The following PRKCB variants were observed in gnomAD, a reference collection of about 807,000 sequenced individuals.
PRKCB encodes the protein protein kinase C beta type.
A neutral mutation model predicts 81.5 loss-of-function variants in PRKCB; 13 were observed. The ratio of observed to expected loss-of-function variants is 0.16; its 90% confidence interval spans 0.10 to 0.25. PRKCB has a LOEUF of 0.25. Ranked by LOEUF, PRKCB falls within the 10% of genes least tolerant of loss-of-function variation. PRKCB has a pLI of 1.00. For missense variants in PRKCB, 509 were observed against 875.7 expected (o/e 0.58, Z 5.29); for synonymous variants, 335 against 321.4 (o/e 1.04, Z -0.45).
intron 2 of PRKCB, chr16:23,963,369 A>G (rs1348904671): frequency 6.6e-6 from 1 of 152,172 alleles, no homozygotes; most frequent in African/African-American, 2.4e-5. Flanking sequence ...CATTTATTAT[A>G]CTCACTATGA....
intron 5 of PRKCB, among the ~76,000 whole-genome samples, chr16:24,037,358 A>G (rs76078985): frequency 1.3e-5 from 2 of 152,336 alleles, no homozygotes; most frequent in East Asian, 3.9e-4. Flanking sequence ...AGCTCACACC[A>G]TTTGCAATAA....
At chr16:24,133,273 A>G (rs1197180032) in intron 9 of PRKCB, among the ~76,000 whole-genome samples, 2 of 152,164 alleles carry the variant, frequency 1.3e-5, no homozygotes, top group African/African-American at 2.4e-5. Flanking sequence ...GACAAACCAC[A>G]TACTCCTAGT....
At chr16:23,955,334 G>T (rs1170623789) in intron 2 of PRKCB, among the ~76,000 whole-genome samples, 1 of 152,102 alleles carries the variant, frequency 6.6e-6, no homozygotes, top group Non-Finnish European at 1.5e-5. Context: ...ATATCAGCCA[G>T]TCCTGCTTGA....
At chr16:24,205,505 C>A (rs1475712109) in intron 16 of PRKCB, among the ~76,000 whole-genome samples, 1 of 152,122 alleles carries the variant, frequency 6.6e-6, no homozygotes, top group Non-Finnish European at 1.5e-5. Flanking sequence ...ATGTAGGAGA[C>A]TGATAGAAGA....
At chr16:23,937,567 T>A (rs1964080270) in intron 2 of PRKCB, among the ~76,000 whole-genome samples, 1 of 152,180 alleles carries the variant, frequency 6.6e-6, no homozygotes, top group South Asian at 2.1e-4. Flanking sequence ...GTTGCTGGAA[T>A]CTCAGTGAAA....
chr16:23,883,103 C>T (rs1411595761), intron 2 of PRKCB, among the ~76,000 whole-genome samples: 1 of 152,036 alleles, frequency 6.6e-6, no homozygotes, highest in Non-Finnish European at 1.5e-5. Flanking sequence ...TAGGTCCCCA[C>T]CCTCCATGGA....
In PRKCB at chr16:24,218,889, GC is replaced by G; in HGVS notation, c.*4075del. 1 of 985,398 alleles carries G rather than the reference GC, an allele frequency of 1.0e-6. No individual in the cohort carries two copies. Among genetic ancestry groups the G allele is most frequent in the Non-Finnish European group, 1.2e-6 (1 of 829,954 alleles). The allele number at this position is 985,398 out of a possible 1,614,324, so 61.0% of individuals were successfully genotyped here. Reference sequence around the variant, plus strand: ...CTCCAGTCCGAGAGACTGTGATGAGGCCTACATAGCAGCGATGTGGTCAGGT... The same window carrying G: ...CTCCAGTCCGAGAGACTGTGATGAGGCTACATAGCAGCGATGTGGTCAGGT... On this transcript the variant is annotated 3_prime_UTR_variant, in exon 17 of 17. Coordinates refer to ENST00000643927, the MANE Select transcript of PRKCB (RefSeq NM_002738.7).
intron 5 of PRKCB, among the ~76,000 whole-genome samples, chr16:24,088,497 C>T (rs1038805928): frequency 3.3e-5 from 5 of 151,950 alleles, no homozygotes; most frequent in Admixed American, 1.3e-4. Context: ...GAGGCCGAAG[C>T]GGGAGGATCA....
In PRKCB at chr16:24,218,946, A is replaced by C. The variant is rs1968276139; in HGVS notation, c.*4130A>C. Reference sequence around the variant, plus strand: ...TCAGGAACCCACTGAAATCTTGGGCAAGCCACCCTGCCTGCTTGTGCCTCG... The same window carrying C: ...TCAGGAACCCACTGAAATCTTGGGCCAGCCACCCTGCCTGCTTGTGCCTCG... On this transcript the variant is annotated 3_prime_UTR_variant, in exon 17 of 17. Coordinates refer to ENST00000643927, the MANE Select transcript of PRKCB (RefSeq NM_002738.7). The C allele has an allele frequency of 1.0e-6, 1 of 985,348 alleles. No homozygotes were observed. Among genetic ancestry groups the C allele is most frequent in the African/African-American group, 1.7e-5 (1 of 57,212 alleles). The allele number at this position is 985,348 out of a possible 1,614,324, so 61.0% of individuals were successfully genotyped here.
rs868538925 is a variant in PRKCB at position 23,835,988 on chromosome 16, A to G, written c.-188A>G. ...CAGCGGTGCCAAGCGCAGCTGGACG[A>G]GCGGCAGCAGCTGGGCGAGTGACAG... On this transcript the variant is annotated 5_prime_UTR_variant, in exon 1 of 17. Coordinates refer to ENST00000643927, the MANE Select transcript of PRKCB (RefSeq NM_002738.7). The G allele has an allele frequency of 1.3e-3, 256 of 197,638 alleles. 2 individuals are homozygous for G. Among genetic ancestry groups the G allele is most frequent in the African/African-American group, 5.8e-3 (244 of 42,240 alleles). 12.2% of individuals were successfully genotyped at this position (197,638 alleles called of 1,614,324 possible).
At chr16:24,105,509 T>C (rs1236582718) in intron 7 of PRKCB, among the ~76,000 whole-genome samples, 1 of 152,184 alleles carries the variant, frequency 6.6e-6, no homozygotes, top group Non-Finnish European at 1.5e-5. Flanking sequence ...ATTAGGTATT[T>C]GTCTTAATGC....
At chr16:24,023,544 A>G (rs1268017416) in intron 3 of PRKCB, among the ~76,000 whole-genome samples, 1 of 151,872 alleles carries the variant, frequency 6.6e-6, no homozygotes, top group Admixed American at 6.6e-5. Context: ...AATTTTTTGT[A>G]TTTTTAGTAG....
At chr16:24,000,222 C>A (rs1264748708) in intron 3 of PRKCB, among the ~76,000 whole-genome samples, 3 of 152,144 alleles carry the variant, frequency 2.0e-5, no homozygotes, top group South Asian at 2.1e-4. Context: ...CAGAACAGAA[C>A]CCCTGGAGAC....
intron 7 of PRKCB, among the ~76,000 whole-genome samples, chr16:24,106,058 A>C (rs1363972451): frequency 2.0e-5 from 3 of 151,236 alleles, no homozygotes; most frequent in Admixed American, 6.6e-5. Context: ...TTTTAAAAAA[A>C]CTTTCTGTTA....
intron 3 of PRKCB, among the ~76,000 whole-genome samples, chr16:23,995,754 A>T (rs1964947445): frequency 6.6e-6 from 1 of 151,920 alleles, no homozygotes; most frequent in South Asian, 2.1e-4. Flanking sequence ...TGTGCTCCCC[A>T]CTCTTGCTAC....
intron 16 of PRKCB, among the ~76,000 whole-genome samples, chr16:24,202,255 C>A (rs1199005386): frequency 6.6e-6 from 1 of 152,132 alleles, no homozygotes; most frequent in Non-Finnish European, 1.5e-5. Flanking sequence ...TGATTACTAC[C>A]CTACCTTACT....
intron 2 of PRKCB, among the ~76,000 whole-genome samples, chr16:23,970,864 A>T (rs1259443973): frequency 6.6e-6 from 1 of 152,224 alleles, no homozygotes; most frequent in Non-Finnish European, 1.5e-5. Flanking sequence ...ATAATGACAC[A>T]GGAGGTGAAT....
intron 9 of PRKCB, among the ~76,000 whole-genome samples, chr16:24,141,362 T>A (rs146941261): frequency 0.011 from 1,637 of 152,046 alleles, 22 homozygotes; most frequent in African/African-American, 0.026. Flanking sequence ...GCCTGGCTAA[T>A]TTTTGTATTT....
At chr16:24,174,838 C>G (rs1208003770) in intron 12 of PRKCB, 4 of 405,826 alleles carry the variant, frequency 9.9e-6, no homozygotes, top group Non-Finnish European at 1.8e-5. Context: ...ACTGTTTGCT[C>G]TAAGAGGAGA....
Sources: gnomAD v4.1 joint callset for allele counts (sites outside exome capture counted in the v4.1 genomes callset) on GRCh38, gnomAD v4.1.1 for gene constraint, MANE v1.5 for transcripts, NCBI Gene and HGNC (gene_info 2026-07-23, HGNC 2026-07-21) for gene names.